The following TCP11L2 variants were observed in gnomAD, a reference collection of about 807,000 sequenced individuals.
TCP11L2 encodes t-complex 11 like 2, also known as T-complex protein 11-like protein 2.
In TCP11L2, 39 loss-of-function variants were observed where a neutral mutation model predicts 50.7. The observed-to-expected ratio is 0.77, with a 90% CI of 0.60 to 1.01. The LOEUF (loss-of-function observed/expected upper bound fraction) is 1.01. TCP11L2 is among the 50% of genes least tolerant of loss of function. TCP11L2 has a pLI of 0.00. For synonymous variants in TCP11L2, 192 were observed against 219.3 expected, an observed-to-expected ratio of 0.88 and a Z score of 1.10; for missense variants, 612 against 614.7, an observed-to-expected ratio of 1.00 and a Z score of 0.05.
intron 6 of TCP11L2, chr12:106,324,267 G>A (rs2035460227): frequency 6.6e-6 from 1 of 152,060 alleles, no homozygotes; most frequent in Admixed American, 6.6e-5. Context: ...TGAGGAAGGG[G>A]CATGTAAAGA....
rs922868674 is a variant in TCP11L2, at chr12:106,311,143, T to G, written c.68T>G (p.Phe23Cys). 15 of 1,614,096 alleles carry G rather than the reference T, an allele frequency of 9.3e-6. No homozygotes were observed. The highest frequency in any genetic ancestry group is 1.3e-5 in the Non-Finnish European group (15 of 1,180,050). ...CCAAGCGATTCTGATTCTTCCCGGT[T>G]TTCCGAAAGCATGGCTTCGCTCAGT... is the stretch of plus-strand genomic sequence containing the variant. ...DQPSDSDSSRFSESMASLSDY... is the reference protein window; with the variant it reads ...DQPSDSDSSRCSESMASLSDY... The change falls in exon 2 of 10, where the codon TTT becomes TGT. Residue 23 changes from phenylalanine to cysteine, a missense_variant. By Grantham distance (205) the Phe-to-Cys change is radical. Coordinates refer to ENST00000299045, the MANE Select transcript of TCP11L2 (RefSeq NM_152772.3).
Position 106,335,809 on chromosome 12 carries a change from A to C in TCP11L2, c.943A>C (p.Lys315Gln), listed in dbSNP as rs1428238661. The C allele has an allele frequency of 1.2e-6, 2 of 1,613,550 alleles. No individual in the cohort carries two copies. The highest frequency in any genetic ancestry group is 1.6e-4 in the Middle Eastern group (1 of 6,082). ...GAAACTGTTACAGTGGGATTATCAG[A>C]AAAAAGAATTACCAGAGGTGAGTGG... is the stretch of plus-strand genomic sequence containing the variant. The part of the protein sequence containing the change: ...YLKLLQWDYQ[K>Q]KELPETLMTD... Residue 315 changes from lysine to glutamine, a missense_variant, in exon 7 of 10, where the codon AAA becomes CAA. Transcript: ENST00000299045.
intron 8 of TCP11L2, among the ~76,000 whole-genome samples, chr12:106,338,560 A>G (rs2035994839): frequency 1.3e-5 from 2 of 152,172 alleles, no homozygotes; most frequent in South Asian, 4.1e-4. Context: ...TATCCAGTCC[A>G]CCATTGATGG....
chr12:106,335,834 G>A lies in TCP11L2; in HGVS notation c.960+8G>A, dbSNP rs747199959. On this transcript the variant is annotated splice_region_variant and intron_variant, in intron 7 of 9. Coordinates refer to ENST00000299045, the MANE Select transcript of TCP11L2 (RefSeq NM_152772.3). ...AAAAAAGAATTACCAGAGGTGAGTG[G>A]TTTTGTTCTTCACCCAAATTTCCCA... The A allele has an allele frequency of 1.2e-6, 2 of 1,607,122 alleles. No individual in the cohort carries two copies. Among genetic ancestry groups the A allele is most frequent in the Admixed American group, 1.7e-5 (1 of 58,442 alleles).
chr12:106,311,126 T>C lies in TCP11L2; in HGVS notation c.51T>C (p.Asp17=), dbSNP rs1184835983. 2 of 1,614,222 alleles carry C rather than the reference T, an allele frequency of 1.2e-6. No individual in the cohort carries two copies. The highest frequency in any genetic ancestry group is 3.3e-5 in the Admixed American group (2 of 60,030). ...GTGTGGGAGAGGACCAGCCAAGCGA[T>C]TCTGATTCTTCCCGGTTTTCCGAAA... ...KQCVGEDQPS[D]SDSSRFSESM... is the part of the protein sequence containing the mutation. The change falls in exon 2 of 10, where the codon GAT becomes GAC. Residue 17 remains aspartate, a synonymous_variant. Transcript: ENST00000299045.
intron 9 of TCP11L2, 25 bp from the exon 10 acceptor site, chr12:106,346,261 A>T (rs2036226632): frequency 6.3e-7 from 1 of 1,583,208 alleles, no homozygotes; most frequent in Middle Eastern, 1.7e-4. Flanking sequence ...ATGGACAGAT[A>T]AAAGTATCTT....
chr12:106,331,304 C>T (rs759210892), intron 6 of TCP11L2, among the ~76,000 whole-genome samples: 8 of 150,900 alleles, frequency 5.3e-5, no homozygotes, highest in African/African-American at 1.5e-4. Context: ...CAAGCTAGCA[C>T]GCTAACTGGT....
intron 8 of TCP11L2, among the ~76,000 whole-genome samples, chr12:106,338,105 C>T (rs535699134): frequency 6.6e-6 from 1 of 152,272 alleles, no homozygotes; most frequent in South Asian, 2.1e-4. Flanking sequence ...ATGGCTTATG[C>T]TAAGACAACT....
rs149952560 is a variant in TCP11L2, at chr12:106,337,391, G to A, written c.1142+1178G>A. Reference sequence around the variant, plus strand: ...CAGAAAAGGGCAGACCAAGGACTGAGCCCTGATCTGACCTTTCTCCTGATT... The same window carrying A: ...CAGAAAAGGGCAGACCAAGGACTGAACCCTGATCTGACCTTTCTCCTGATT... On this transcript the variant is annotated intron_variant, in intron 8 of 9. Coordinates refer to ENST00000299045, the MANE Select transcript of TCP11L2 (RefSeq NM_152772.3). Among the ~76,000 whole-genome samples the A allele has an allele frequency of 3.2e-3, 491 of 152,302 alleles. 4 individuals carry two copies. Among genetic ancestry groups the A allele is most frequent in the African/African-American group, 0.011 (467 of 41,580 alleles).
At chr12:106,315,041 C>G (rs2035024344) in intron 3 of TCP11L2, among the ~76,000 whole-genome samples, 1 of 150,796 alleles carries the variant, frequency 6.6e-6, no homozygotes, top group African/African-American at 2.4e-5. Context: ...TTGTGACCAG[C>G]CCGGCCAACG....
intron 6 of TCP11L2, 109 bp downstream of exon 6, chr12:106,323,755 T>C (rs1166770811): frequency 4.6e-6 from 2 of 431,358 alleles, no homozygotes; most frequent in Middle Eastern, 7.6e-4. Flanking sequence ...AATAAATAAA[T>C]AAAATTTAAT....
chr12:106,318,241 TG>T lies in TCP11L2; in HGVS notation c.294-102del, dbSNP rs1252592493. ...TAATGGATTAAGGACAATTATTCTG[TG>T]TTTTTTTTACATTTTATAAGATTTC... On this transcript the variant is annotated intron_variant, in intron 3 of 9. Transcript: ENST00000299045. 19 of 1,340,018 alleles carry T rather than the reference TG, an allele frequency of 1.4e-5. 1 individual carries two copies. The South Asian group carries it at 2.4e-4, about 17-fold the overall frequency. The allele number at this position is 1,340,018 out of a possible 1,614,324, so 83.0% of individuals were successfully genotyped here. A position where few individuals can be genotyped will look rare whatever the true frequency, so the allele number is the denominator to read the frequency against.
At chr12:106,298,800 G>C (rs2034377968), upstream of TCP11L2, among the ~76,000 whole-genome samples, 2 of 151,156 alleles carry the variant, frequency 1.3e-5, no homozygotes, top group Non-Finnish European at 2.9e-5. Flanking sequence ...TGGGATTATA[G>C]GTGTGAACCA....
chr12:106,314,632 T>G (rs2035010538), intron 3 of TCP11L2, 139 bp downstream of exon 3: 4 of 733,938 alleles, frequency 5.5e-6, no homozygotes, highest in Non-Finnish European at 8.5e-6. Context: ...ATATTTACAC[T>G]GATTCCTGGA....
chr12:106,303,229 G>C (rs549230676), intron 1 of TCP11L2: 41 of 152,368 alleles, frequency 2.7e-4, no homozygotes, highest in African/African-American at 8.9e-4. Flanking sequence ...AGGCCGCTTC[G>C]CCGCTGTTTA....
rs762045600 is a variant in TCP11L2 at position 106,321,669 on chromosome 12, G to A, written c.598G>A (p.Glu200Lys). ...TCCCGTGCGAGATAATGATATCAGA[G>A]AGTTAAAGGCTACTGGCAACATCGT... Reference protein sequence around the residue: ...CAPVRDNDIRELKATGNIVEV... With the variant: ...CAPVRDNDIRKLKATGNIVEV... The change falls in exon 5 of 10, where the codon GAG (glutamate) becomes AAG (lysine). Residue 200 changes from glutamate (E) to lysine (K), a missense_variant. Glu to Lys is a moderately conservative substitution (Grantham distance 56, BLOSUM62 1). Transcript: ENST00000299045. 6.2e-7 allele frequency: 1 copy of A among 1,614,200 alleles called. No individual in the cohort carries two copies. The highest frequency in any genetic ancestry group is 1.7e-5 in the Admixed American group (1 of 60,024).
intron 9 of TCP11L2, among the ~76,000 whole-genome samples, chr12:106,342,175 T>C (rs1330388164): frequency 1.3e-5 from 2 of 152,222 alleles, no homozygotes; most frequent in Non-Finnish European, 2.9e-5. Context: ...AAGTACAACA[T>C]TGACGGCCTT....
chr12:106,314,422 C>G lies in TCP11L2; in HGVS notation c.222C>G (p.Asn74Lys). The change falls in exon 3 of 10, where the codon AAC becomes AAG. Residue 74 changes from asparagine (N) to lysine (K), a missense_variant. Physicochemically the swap from Asn to Lys is moderately conservative, Grantham distance 94. Coordinates refer to ENST00000299045, the MANE Select transcript of TCP11L2 (RefSeq NM_152772.3). ...TGGCTACAGCAAGGAACTTATCAAA[C>G]TTGACTCTTGCTCATGAGATTGCTG... ...EVMATARNLS[N>K]LTLAHEIAVN... 1 of 1,613,736 alleles carries G rather than the reference C, an allele frequency of 6.2e-7. No homozygotes were observed. Among genetic ancestry groups the G allele is most frequent in the Non-Finnish European group, 8.5e-7 (1 of 1,179,720 alleles).
rs563437088 is a variant in TCP11L2, at chr12:106,315,878, A to G, written c.293+1385A>G. On this transcript the variant is annotated intron_variant, in intron 3 of 9. Transcript: ENST00000299045. Reference sequence around the variant, plus strand: ...TCGTGGATTGAATTTTCAACCTTACAGTACCAATTATAAATCCTGAGGCAT... The same window carrying G: ...TCGTGGATTGAATTTTCAACCTTACGGTACCAATTATAAATCCTGAGGCAT... Among the ~76,000 whole-genome samples, 5 of 152,342 alleles carry G rather than the reference A, an allele frequency of 3.3e-5. No homozygotes were observed. The South Asian group carries it at 8.3e-4, about 25-fold the overall frequency.
Sources: allele counts gnomAD v4.1 joint callset (sites outside exome capture counted in the v4.1 genomes callset), GRCh38; gene constraint gnomAD v4.1.1; transcripts MANE v1.5; gene names NCBI Gene and HGNC (gene_info 2026-07-23, HGNC 2026-07-21).